The following TNIK variants were observed in gnomAD, a reference collection of about 807,000 sequenced individuals.
TNIK encodes the protein TRAF2 and NCK interacting kinase.
A neutral mutation model predicts 191.3 loss-of-function variants in TNIK; 49 were observed. That is an observed-to-expected ratio of 0.26 (90% confidence interval 0.20 to 0.32). The LOEUF is 0.32. TNIK is among the 10% of genes least tolerant of loss of function. The pLI is 1.00. For synonymous variants in TNIK, 594 were observed against 600.9 expected, an observed-to-expected ratio of 0.99 and a Z score of 0.17; for missense variants, 1,155 against 1,702.3, an observed-to-expected ratio of 0.68 and a Z score of 5.66.
chr3:171,418,222 C>T (rs975778537), intron 1 of TNIK, among the ~76,000 whole-genome samples: 1 of 152,162 alleles, frequency 6.6e-6, no homozygotes, highest in African/African-American at 2.4e-5. Flanking sequence ...ACGGCATAAA[C>T]CCTTTGGTAA....
At chr3:171,365,694 T>C (rs976698111) in intron 2 of TNIK, among the ~76,000 whole-genome samples, 3 of 152,176 alleles carry the variant, frequency 2.0e-5, no homozygotes, top group Non-Finnish European at 4.4e-5. Flanking sequence ...AACAGCCAGC[T>C]GGCAGAGAAC....
At chr3:171,276,801 C>G (rs1749805105) in intron 2 of TNIK, among the ~76,000 whole-genome samples, 1 of 152,102 alleles carries the variant, frequency 6.6e-6, no homozygotes, top group Non-Finnish European at 1.5e-5. Context: ...AAGAAGTAAA[C>G]TTTTAAACTA....
At chr3:171,119,061 A>G (rs926760605) in intron 18 of TNIK, among the ~76,000 whole-genome samples, 2 of 152,238 alleles carry the variant, frequency 1.3e-5, no homozygotes, top group African/African-American at 4.8e-5. Flanking sequence ...CAAAGGGCTA[A>G]TATCCAGAAT....
At chr3:171,192,423 C>T (rs1342232285) in intron 5 of TNIK, among the ~76,000 whole-genome samples, 2 of 152,224 alleles carry the variant, frequency 1.3e-5, no homozygotes, top group African/African-American at 4.8e-5. Flanking sequence ...GGCCAGAGAC[C>T]TTTGGGTGAT....
At chr3:171,231,297 TTTGTTG>T (rs567551017) in intron 2 of TNIK, among the ~76,000 whole-genome samples, 8 of 151,424 alleles carry the variant, frequency 5.3e-5, no homozygotes, top group African/African-American at 1.2e-4. Flanking sequence ...TGTTTTTTGT[TTTGTTG>T]TTGTTGTTGT....
At chr3:171,244,084 A>T in intron 2 of TNIK, among the ~76,000 whole-genome samples, 1 of 136,902 alleles carries the variant, frequency 7.3e-6, no homozygotes, top group East Asian at 2.2e-4. Flanking sequence ...TTTTTAAGAC[A>T]GAGTCTCGCT....
intron 2 of TNIK, among the ~76,000 whole-genome samples, chr3:171,332,005 A>T (rs1756461255): frequency 1.1e-5 from 1 of 92,822 alleles, no homozygotes; most frequent in African/African-American, 4.3e-5. Flanking sequence ...TTTTGTATTT[A>T]ATTTAATGTA....
In TNIK at chr3:171,138,272, C is replaced by T; in HGVS notation, c.1527G>A (p.Glu509=). Residue 509 remains glutamate (E), a synonymous_variant, in exon 15 of 33, where the codon GAG becomes GAA. Coordinates refer to ENST00000436636, the MANE Select transcript of TNIK (RefSeq NM_015028.4). ...GTGGCTTCTTCTCCACAGGCCTCTGCTCCTGCCGCTGATGCTGAAGGGAAA... is the reference window on the plus strand; with the variant it reads ...GTGGCTTCTTCTCCACAGGCCTCTGTTCCTGCCGCTGATGCTGAAGGGAAA... ...YLVSLQHQRQ[E]QRPVEKKPLY... The T allele has an allele frequency of 1.2e-6, 2 of 1,613,730 alleles. No individual in the cohort carries two copies. The highest frequency in any genetic ancestry group is 1.7e-6 in the Non-Finnish European group (2 of 1,179,832).
At chr3:171,260,902 G>C (rs1747523009) in intron 2 of TNIK, among the ~76,000 whole-genome samples, 1 of 152,094 alleles carries the variant, frequency 6.6e-6, no homozygotes, top group African/African-American at 2.4e-5. Context: ...AAGATAACGA[G>C]GGTTATTACC....
chr3:171,304,895 T>G (rs1446413036), intron 2 of TNIK, among the ~76,000 whole-genome samples: 3 of 151,038 alleles, frequency 2.0e-5, no homozygotes, highest in Non-Finnish European at 2.9e-5. Context: ...CATTGGGAGA[T>G]ATACCTAATG....
chr3:171,276,068 A>G (rs1749705797), intron 2 of TNIK, among the ~76,000 whole-genome samples: 7 of 152,136 alleles, frequency 4.6e-5, no homozygotes, highest in Admixed American at 4.6e-4. Context: ...CCTCCACTCC[A>G]TTCTCAACAC....
intron 1 of TNIK, among the ~76,000 whole-genome samples, chr3:171,412,982 A>C (rs981192633): frequency 2.0e-5 from 3 of 152,334 alleles, no homozygotes; most frequent in East Asian, 1.9e-4. Flanking sequence ...TTTTCTGCCA[A>C]GCAGGCAAAC....
intron 1 of TNIK, among the ~76,000 whole-genome samples, chr3:171,442,823 TTC>T (rs1726986475): frequency 6.6e-6 from 1 of 152,190 alleles, no homozygotes; most frequent in Non-Finnish European, 1.5e-5. Context: ...AGAAATACTG[TTC>T]CTCTTCCCTT....
intron 2 of TNIK, among the ~76,000 whole-genome samples, chr3:171,239,134 TTAA>T (rs1744649334): frequency 6.6e-6 from 1 of 152,246 alleles, no homozygotes; most frequent in South Asian, 2.1e-4. Context: ...TATTTACATC[TTAA>T]TAACTCTTCA....
intron 1 of TNIK, among the ~76,000 whole-genome samples, chr3:171,379,610 A>T (rs1007408326): frequency 5.3e-5 from 8 of 152,232 alleles, no homozygotes; most frequent in Non-Finnish European, 1.2e-4. Context: ...AGGCAAGTTA[A>T]GAAAACTCTT....
At chr3:171,375,433 A>C (rs2108505745) in intron 1 of TNIK, among the ~76,000 whole-genome samples, 1 of 152,350 alleles carries the variant, frequency 6.6e-6, no homozygotes, top group Middle Eastern at 3.4e-3. Context: ...TCAGGTATTT[A>C]TGGACAAAAT....
At chr3:171,125,248 G>C (rs1468547837) in intron 17 of TNIK, among the ~76,000 whole-genome samples, 3 of 152,178 alleles carry the variant, frequency 2.0e-5, no homozygotes, top group Non-Finnish European at 4.4e-5. Context: ...TTTGTAGCTA[G>C]ATGCACACAG....
At chr3:171,236,625 A>T (rs1465028576) in intron 2 of TNIK, among the ~76,000 whole-genome samples, 1 of 152,130 alleles carries the variant, frequency 6.6e-6, no homozygotes, top group Non-Finnish European at 1.5e-5. Context: ...TACTAACTAG[A>T]GGTAGGACGA....
intron 3 of TNIK, among the ~76,000 whole-genome samples, chr3:171,214,905 T>C: frequency 6.6e-6 from 1 of 152,200 alleles, no homozygotes; most frequent in East Asian, 1.9e-4. Flanking sequence ...GATAATATTA[T>C]TTCTCAAGAT....
Sources: allele counts gnomAD v4.1 joint callset (sites outside exome capture counted in the v4.1 genomes callset), GRCh38; gene constraint gnomAD v4.1.1; transcripts MANE v1.5; gene names NCBI Gene and HGNC (gene_info 2026-07-23, HGNC 2026-07-21).